FMN1: variants seen among roughly 807,000 people sequenced by gnomAD.
The protein encoded by FMN1 is formin-1.
FMN1 carries 110 observed loss-of-function variants against 132.4 expected under a neutral mutation model. The ratio of observed to expected loss-of-function variants is 0.83; its 90% CI spans 0.71 to 0.97. FMN1 has a LOEUF of 0.97. Ranked by LOEUF, FMN1 falls within the 50% of genes least tolerant of loss-of-function variation. The pLI, the probability that FMN1 is intolerant of heterozygous loss-of-function variation, is 0.00. For missense variants in FMN1, 1,792 were observed against 1,705.3 expected (o/e 1.05, Z -0.90); for synonymous variants, 722 against 651.7 (o/e 1.11, Z -1.64).
intron 3 of FMN1, among the ~76,000 whole-genome samples, chr15:33,155,329 G>A (rs758111599): frequency 6.6e-6 from 1 of 152,138 alleles, no homozygotes; most frequent in Non-Finnish European, 1.5e-5. Flanking sequence ...CCTGGATCAG[G>A]TCTCTCAACT....
intron 6 of FMN1, among the ~76,000 whole-genome samples, chr15:33,058,901 A>G (rs1308281246): frequency 6.6e-6 from 1 of 152,162 alleles, no homozygotes; most frequent in East Asian, 1.9e-4. Context: ...TGTTATGGTG[A>G]GACATTTGAA....
chr15:33,128,790 G>C (rs75393587), intron 4 of FMN1, among the ~76,000 whole-genome samples: 9 of 152,238 alleles, frequency 5.9e-5, no homozygotes, highest in Non-Finnish European at 7.3e-5. Context: ...ACGGTGAGCA[G>C]CAGCAAGATT....
rs914183279 is a variant in FMN1, at chr15:32,766,390, C to A, written c.*7920G>T. ...AATTAAGTCAATTTGTCCAGCACCA[C>A]AGAAAGTTACTTGAGATTCAAAAAT... is the stretch of plus-strand genomic sequence containing the variant. On this transcript the variant is annotated 3_prime_UTR_variant, in exon 21 of 21. Coordinates refer to ENST00000616417, the MANE Select transcript of FMN1 (RefSeq NM_001277313.2). 4 of 152,112 alleles carry A rather than the reference C, an allele frequency of 2.6e-5. No homozygotes were observed. Among genetic ancestry groups the A allele is most frequent in the African/African-American group, 7.2e-5 (3 of 41,438 alleles). The allele number at this position is 152,112 out of a possible 1,614,324, so 9.4% of individuals were successfully genotyped here. A position where few individuals can be genotyped will look rare whatever the true frequency, so the allele number is the denominator to read the frequency against.
chr15:32,903,235 AAAG>A (rs2060339954), intron 12 of FMN1, among the ~76,000 whole-genome samples: 1 of 152,076 alleles, frequency 6.6e-6, no homozygotes, highest in Non-Finnish European at 1.5e-5. Context: ...ATCTTGTTTT[AAAG>A]TTCAATAACC....
chr15:33,175,311 C>T (rs7173547), intron 3 of FMN1, among the ~76,000 whole-genome samples: 33,548 of 152,122 alleles, frequency 0.22, 4,463 homozygotes, highest in Middle Eastern at 0.32. Flanking sequence ...TCAAGTGACC[C>T]GCCTGCCTTG....
intron 3 of FMN1, among the ~76,000 whole-genome samples, chr15:33,157,981 G>C (rs1236659541): frequency 7.2e-6 from 1 of 138,602 alleles, no homozygotes; most frequent in African/African-American, 2.8e-5. Flanking sequence ...GACAGAGCAA[G>C]ACCCTGTCTT....
At chr15:33,149,766 T>G in intron 4 of FMN1, 1 of 982,798 alleles carries the variant, frequency 1.0e-6, no homozygotes, top group Non-Finnish European at 1.2e-6. Flanking sequence ...GCTGCATATG[T>G]CTATTAATGT....
intron 6 of FMN1, among the ~76,000 whole-genome samples, chr15:33,048,485 CTAAAAG>C (rs1331500512): frequency 6.9e-4 from 104 of 151,292 alleles, no homozygotes; most frequent in African/African-American, 2.4e-3. Flanking sequence ...TATTTATGCA[CTAAAAG>C]TAAAAGTTTC....
intron 9 of FMN1, among the ~76,000 whole-genome samples, chr15:32,958,139 AGATTT>A (rs1232269573): frequency 6.6e-6 from 1 of 152,240 alleles, no homozygotes; most frequent in African/African-American, 2.4e-5. Flanking sequence ...TTTTACTCAA[AGATTT>A]GGCTTCCTAT....
At chr15:32,820,232 C>T (rs2058173369) in intron 17 of FMN1, among the ~76,000 whole-genome samples, 2 of 152,058 alleles carry the variant, frequency 1.3e-5, no homozygotes, top group South Asian at 4.1e-4. Context: ...TAAAAACTCC[C>T]TCTACTATAA....
intron 10 of FMN1, among the ~76,000 whole-genome samples, chr15:32,919,109 T>C (rs1229471934): frequency 6.6e-6 from 1 of 152,062 alleles, no homozygotes; most frequent in Non-Finnish European, 1.5e-5. Flanking sequence ...GATAAACTCT[T>C]TCAGACGTGG....
At chr15:33,089,541 A>C (rs2038830983) in intron 4 of FMN1, among the ~76,000 whole-genome samples, 1 of 152,236 alleles carries the variant, frequency 6.6e-6, no homozygotes, top group South Asian at 2.1e-4. Flanking sequence ...ATTCTAACCT[A>C]AACTATAGGC....
chr15:33,078,341 T>C (rs1460897598), intron 5 of FMN1, among the ~76,000 whole-genome samples: 1 of 152,226 alleles, frequency 6.6e-6, no homozygotes, highest in Non-Finnish European at 1.5e-5. Context: ...CATTTTTCCA[T>C]GGTTTTGAAA....
chr15:33,146,579 T>C lies in FMN1; in HGVS notation c.1867+6469A>G, dbSNP rs181860409. Among the ~76,000 whole-genome samples, 54 of 152,128 alleles carry C rather than the reference T, an allele frequency of 3.5e-4. No homozygotes were observed. The East Asian group carries it at 9.3e-3, about 26-fold the overall frequency. On this transcript the variant is annotated intron_variant, in intron 4 of 20. Transcript: ENST00000616417. The stretch of plus-strand genomic sequence containing the variant: ...AAAAAAAAATTCCTAGAACCTTCTA[T>C]GAGAGGGAAGAAACTCCAGAACATG...
intron 6 of FMN1, among the ~76,000 whole-genome samples, chr15:33,048,645 A>AAAAAAAAAAAAAAAAAAAAC (rs1566865413): frequency 3.6e-5 from 3 of 83,130 alleles, no homozygotes; most frequent in African/African-American, 1.3e-4. Flanking sequence ...AAAAAAAAAA[A>AAAAAAAAAAAAAAAAAAAAC]AAAACCAACA....
Position 32,964,265 on chromosome 15 carries a change from G to A in FMN1, c.2988-8C>T, listed in dbSNP as rs2030962955. The A allele has an allele frequency of 6.4e-7, 1 of 1,556,196 alleles. No individual in the cohort carries two copies. Among genetic ancestry groups the A allele is most frequent in the Non-Finnish European group, 8.7e-7 (1 of 1,148,154 alleles). On this transcript the variant is annotated splice_polypyrimidine_tract_variant and splice_region_variant and intron_variant, in intron 8 of 20. Transcript: ENST00000616417. ...GTTGGTGTAGCATTTTGGCTTAAAAGAGAAAATGACAAGTTAACCATAAGA... is the reference window on the plus strand; with the variant it reads ...GTTGGTGTAGCATTTTGGCTTAAAAAAGAAAATGACAAGTTAACCATAAGA...
At chr15:33,028,275 G>A (rs2035773647) in intron 6 of FMN1, among the ~76,000 whole-genome samples, 1 of 152,072 alleles carries the variant, frequency 6.6e-6, no homozygotes, top group African/African-American at 2.4e-5. Flanking sequence ...GTGACACCTG[G>A]GGAAGGCCAG....
At chr15:32,995,472 T>G (rs1020204918) in intron 7 of FMN1, among the ~76,000 whole-genome samples, 1 of 152,180 alleles carries the variant, frequency 6.6e-6, no homozygotes, top group Non-Finnish European at 1.5e-5. Context: ...TTTTCCCAAA[T>G]AAATAGTAAA....
intron 6 of FMN1, among the ~76,000 whole-genome samples, chr15:33,062,364 G>C (rs201480838): frequency 8.5e-5 from 13 of 152,156 alleles, no homozygotes; most frequent in Admixed American, 7.2e-4. Flanking sequence ...GCTCACACCT[G>C]TAATCCCAGC....
Sources: allele counts gnomAD v4.1 joint callset (sites outside exome capture counted in the v4.1 genomes callset), GRCh38; gene constraint gnomAD v4.1.1; transcripts MANE v1.5; gene names NCBI Gene and HGNC (gene_info 2026-07-23, HGNC 2026-07-21).